MNT: variants seen among roughly 807,000 people sequenced by gnomAD.
MNT encodes the protein max-binding protein MNT.
In MNT, 13 loss-of-function variants were observed where a neutral mutation model predicts 40.7. The ratio of observed to expected loss-of-function variants is 0.32; its 90% CI spans 0.21 to 0.51. The LOEUF (loss-of-function observed/expected upper bound fraction) is 0.51. Among genes scored for constraint, MNT ranks in the 20% least tolerant of loss-of-function variants. The probability of loss-of-function intolerance (pLI) is 0.98; values close to 1 mark genes in which losing one functional copy is unlikely to be tolerated. For synonymous variants in MNT, 426 were observed against 354.8 expected (o/e 1.20, Z -2.26); for missense variants, 757 against 792.0 (o/e 0.96, Z 0.53).
chr17:2,386,847 G>C lies in MNT; in HGVS notation c.*54C>G. On this transcript the variant is annotated 3_prime_UTR_variant, in exon 6 of 6. Transcript: ENST00000174618. ...GTGTGGAGCTGGTGGGTGAGAGAGT[G>C]GGGGACAGGTCCCCCTCCCTGTCCC... 2 of 1,427,400 alleles carry C rather than the reference G, an allele frequency of 1.4e-6. No homozygotes were observed. Among genetic ancestry groups the C allele is most frequent in the Admixed American group, 3.0e-5 (1 of 33,312 alleles). The allele number at this position is 1,427,400 out of a possible 1,614,324, so 88.4% of individuals were successfully genotyped here. A position where few individuals can be genotyped will look rare whatever the true frequency, so the allele number is the denominator to read the frequency against.
chr17:2,399,554 C>T (rs2066600316), intron 1 of MNT, among the ~76,000 whole-genome samples: 1 of 152,186 alleles, frequency 6.6e-6, no homozygotes, highest in Non-Finnish European at 1.5e-5. Flanking sequence ...GAGCTCGGCT[C>T]CTCCCTCGCA....
intron 4 of MNT, among the ~76,000 whole-genome samples, chr17:2,393,418 G>A (rs62067049): frequency 0.087 from 13,264 of 152,264 alleles, 751 homozygotes; most frequent in African/African-American, 0.15. Context: ...CAGGAGGAAG[G>A]AAAGCGTGAC....
intron 1 of MNT, 42 bp from the exon 2 acceptor site, chr17:2,395,496 C>T: frequency 1.2e-6 from 2 of 1,603,542 alleles, no homozygotes; most frequent in South Asian, 2.2e-5. Context: ...CTCAGCGGGG[C>T]CCCAGAACTC....
intron 1 of MNT, among the ~76,000 whole-genome samples, chr17:2,399,186 A>C (rs2066597495): frequency 1.3e-5 from 2 of 152,088 alleles, no homozygotes; most frequent in South Asian, 4.1e-4. Context: ...CGGGGAGGGC[A>C]CAGGAGTCCC....
At chr17:2,397,488 C>G (rs2066585933) in intron 1 of MNT, among the ~76,000 whole-genome samples, 1 of 152,300 alleles carries the variant, frequency 6.6e-6, no homozygotes, top group South Asian at 2.1e-4. Context: ...AGGGCCCTCC[C>G]TGAGTCACAA....
chr17:2,400,631 G>C lies in MNT; in HGVS notation c.73+9C>G. ...CCCAGTGCCCCAGGGGCCCAGCCCG[G>C]CCGCTCACCACGTGCTCTCTGTTGT... On this transcript the variant is annotated intron_variant, in intron 1 of 5. Coordinates refer to ENST00000174618, the MANE Select transcript of MNT (RefSeq NM_020310.3). 6.3e-7 allele frequency: 1 copy of C among 1,577,708 alleles called. No homozygotes were observed. The highest frequency in any genetic ancestry group is 8.6e-7 in the Non-Finnish European group (1 of 1,165,956).
Position 2,394,061 on chromosome 17 carries a change from C to A in MNT, c.789G>T (p.Thr263=), listed in dbSNP as rs758575504. 6.2e-7 allele frequency: 1 copy of A among 1,604,828 alleles called. No individual in the cohort carries two copies. Among genetic ancestry groups the A allele is most frequent in the Admixed American group, 1.7e-5 (1 of 59,440 alleles). ...KKTSNLSVLR[T]ALRYIQSLKR... Reference sequence around the variant, plus strand: ...CCCATACCTGGATGTACCGCAGCGCCGTCCGCAGCACGCTCAGATTGGACG... The same window carrying A: ...CCCATACCTGGATGTACCGCAGCGCAGTCCGCAGCACGCTCAGATTGGACG... Residue 263 remains threonine, a synonymous_variant, in exon 4 of 6, where the codon ACG becomes ACT. Coordinates refer to ENST00000174618, the MANE Select transcript of MNT (RefSeq NM_020310.3).
At chr17:2,393,228 C>T (rs1050564342) in intron 4 of MNT, among the ~76,000 whole-genome samples, 5 of 151,654 alleles carry the variant, frequency 3.3e-5, no homozygotes, top group Admixed American at 6.6e-5. Context: ...CCCCCACAGC[C>T]TCCGGCCCGG....
At chr17:2,398,806 A>T (rs985931655) in intron 1 of MNT, among the ~76,000 whole-genome samples, 1 of 151,856 alleles carries the variant, frequency 6.6e-6, no homozygotes, top group African/African-American at 2.4e-5. Context: ...CACCAGGGGC[A>T]CTCTCCACTG....
rs1332580477 is a variant in MNT at position 2,386,976 on chromosome 17, C to T, written c.1674G>A (p.Val558=). ...GAQVVHHPQL[V]GQTVLNPVTM... ...TCACAGGGTTGAGCACGGTCTGGCCCACCAGCTGGGGGTGGTGCACCACCT... is the reference window on the plus strand; with the variant it reads ...TCACAGGGTTGAGCACGGTCTGGCCTACCAGCTGGGGGTGGTGCACCACCT... Residue 558 remains valine, a synonymous_variant, in exon 6 of 6, where the codon GTG becomes GTA. Transcript: ENST00000174618. The T allele has an allele frequency of 6.6e-7, 1 of 1,524,200 alleles. No homozygotes were observed. The highest frequency in any genetic ancestry group is 8.8e-7 in the Non-Finnish European group (1 of 1,133,280). 94.4% of individuals were successfully genotyped at this position (1,524,200 alleles called of 1,614,324 possible). A position where few individuals can be genotyped will look rare whatever the true frequency, so the allele number is the denominator to read the frequency against.
intron 1 of MNT, 55 bp downstream of exon 1, chr17:2,400,585 G>A (rs1421329741): frequency 2.6e-6 from 4 of 1,513,130 alleles, no homozygotes; most frequent in East Asian, 2.6e-5. Flanking sequence ...TTCGGGGACC[G>A]GGGTCACTCG....
chr17:2,399,314 G>A (rs2066598396), intron 1 of MNT, among the ~76,000 whole-genome samples: 1 of 152,160 alleles, frequency 6.6e-6, no homozygotes, highest in South Asian at 2.1e-4. Context: ...AACAGGGCGC[G>A]TGAAGATAGG....
At chr17:2,394,006 G>C (rs1438657233) in intron 4 of MNT, 37 bp downstream of exon 4, 1 of 1,476,976 alleles carries the variant, frequency 6.8e-7, no homozygotes, top group African/African-American at 1.5e-5. Context: ...AGGGAGGGCG[G>C]GGGAAGCTGC....
intron 4 of MNT, 59 bp from the exon 5 acceptor site, chr17:2,388,108 C>A: frequency 3.4e-6 from 5 of 1,454,104 alleles, no homozygotes; most frequent in Non-Finnish European, 4.6e-6. Context: ...GGGCCCAAAG[C>A]CCCCACAAAC....
At chr17:2,392,667 G>GCCCCGAGGCCCCA (rs1365868718) in intron 4 of MNT, 2 of 151,976 alleles carry the variant, frequency 1.3e-5, no homozygotes, top group African/African-American at 4.8e-5. Context: ...CCCGCTCGGC[G>GCCCCGAGGCCCCA]CCCCGAGGCC....
In MNT at chr17:2,387,246, G is replaced by A; in HGVS notation, c.1404C>T (p.Ala468=). ...GGCTGGGGGCCGAGGGGGCGATGTG[G>A]GCGATGTGCTTGCCGCCTGGCCCCT... is the stretch of plus-strand genomic sequence containing the variant. ...VLQGPGGKHI[A]HIAPSAPSPA... is the part of the protein sequence containing the mutation. The change falls in exon 6 of 6, where the codon GCC becomes GCT. Residue 468 remains alanine (A), a synonymous_variant. Coordinates refer to ENST00000174618, the MANE Select transcript of MNT (RefSeq NM_020310.3). The A allele has an allele frequency of 6.2e-7, 1 of 1,612,820 alleles. No homozygotes were observed.
chr17:2,396,202 A>C (rs2066577741), intron 1 of MNT, among the ~76,000 whole-genome samples: 1 of 152,176 alleles, frequency 6.6e-6, no homozygotes, highest in Admixed American at 6.5e-5. Context: ...CTTGACTCCG[A>C]GGCTAGGTCC....
At chr17:2,394,269 GCACGCACGCA>G (rs2066555503) in intron 3 of MNT, 26 bp downstream of exon 3, 8 of 1,490,792 alleles carry the variant, frequency 5.4e-6, no homozygotes, top group Non-Finnish European at 7.1e-6. Flanking sequence ...GCGCGCGCAC[GCACGCACGCA>G]CACACACACA....
At chr17:2,394,207 G>T (rs981538761) in intron 3 of MNT, 53 bp from the exon 4 acceptor site, 3 of 1,599,832 alleles carry the variant, frequency 1.9e-6, no homozygotes, top group Non-Finnish European at 1.7e-6. Flanking sequence ...GGCTGGGACG[G>T]GGGGAGGCAG....
Sources: allele counts gnomAD v4.1 joint callset (sites outside exome capture counted in the v4.1 genomes callset), GRCh38; gene constraint gnomAD v4.1.1; transcripts MANE v1.5; gene names NCBI Gene and HGNC (gene_info 2026-07-23, HGNC 2026-07-21).